The following GABRG3 variants were observed in gnomAD, a reference collection of about 807,000 sequenced individuals.
GABRG3 encodes gamma-aminobutyric acid receptor subunit gamma-3.
Under a neutral mutation model 48.8 loss-of-function variants are expected in GABRG3, and 25 were observed. The ratio of observed to expected loss-of-function variants is 0.51; its 90% CI spans 0.37 to 0.72. The LOEUF (loss-of-function observed/expected upper bound fraction) is 0.72, where lower values mean the gene tolerates loss of function less well. Among genes scored for constraint, GABRG3 ranks in the 30% least tolerant of loss-of-function variants. The pLI, the probability that GABRG3 is intolerant of heterozygous loss-of-function variation, is 0.00. For missense variants in GABRG3, 394 were observed against 577.9 expected, an observed-to-expected ratio of 0.68 and a Z score of 3.26; for synonymous variants, 227 against 217.6, an observed-to-expected ratio of 1.04 and a Z score of -0.38.
intron 5 of GABRG3, among the ~76,000 whole-genome samples, chr15:27,440,468 C>G (rs1475728931): frequency 6.6e-6 from 1 of 152,204 alleles, no homozygotes; most frequent in East Asian, 1.9e-4. Context: ...CATTAGCTTT[C>G]TCATGGGCAT....
intron 3 of GABRG3, among the ~76,000 whole-genome samples, chr15:27,091,645 C>T (rs973817442): frequency 6.6e-6 from 1 of 152,188 alleles, no homozygotes; most frequent in African/African-American, 2.4e-5. Flanking sequence ...GCTGTTTGCT[C>T]TAGATCTGTT....
intron 3 of GABRG3, among the ~76,000 whole-genome samples, chr15:27,038,299 G>A (rs947508190): frequency 2.6e-5 from 4 of 152,152 alleles, no homozygotes; most frequent in Admixed American, 1.3e-4. Flanking sequence ...TCTGTGTGTC[G>A]TCACATGGTG....
intron 3 of GABRG3, among the ~76,000 whole-genome samples, chr15:27,126,568 A>G (rs1312843428): frequency 6.6e-6 from 1 of 152,112 alleles, no homozygotes; most frequent in African/African-American, 2.4e-5. Context: ...CATGGAAGCG[A>G]TGGGTGTCAC....
At chr15:27,200,477 G>A (rs1341914585) in intron 3 of GABRG3, among the ~76,000 whole-genome samples, 1 of 152,198 alleles carries the variant, frequency 6.6e-6, no homozygotes, top group African/African-American at 2.4e-5. Flanking sequence ...CCTTCCGTGT[G>A]TTAGGTGCTG....
intron 3 of GABRG3, among the ~76,000 whole-genome samples, chr15:27,083,451 G>A (rs1230492448): frequency 1.3e-5 from 2 of 150,978 alleles, no homozygotes; most frequent in Non-Finnish European, 2.9e-5. Flanking sequence ...TCCTGCCTCA[G>A]CCTCCTGAGT....
At chr15:26,989,291 C>T (rs1008957004) in intron 2 of GABRG3, among the ~76,000 whole-genome samples, 1 of 152,078 alleles carries the variant, frequency 6.6e-6, no homozygotes, top group African/African-American at 2.4e-5. Flanking sequence ...TTTTGTTTGT[C>T]TCTTCATCAG....
chr15:27,182,242 G>C (rs957681959), intron 3 of GABRG3, among the ~76,000 whole-genome samples: 1 of 152,140 alleles, frequency 6.6e-6, no homozygotes, highest in African/African-American at 2.4e-5. Context: ...TGAAATGCAG[G>C]CAGGTGCCTG....
At chr15:27,078,101 G>A (rs994763445) in intron 3 of GABRG3, among the ~76,000 whole-genome samples, 5 of 152,152 alleles carry the variant, frequency 3.3e-5, no homozygotes, top group African/African-American at 4.8e-5. Flanking sequence ...ATGGAGTGCC[G>A]GATAGTTGGT....
intron 6 of GABRG3, among the ~76,000 whole-genome samples, chr15:27,510,231 T>C (rs546326188): frequency 4.7e-4 from 71 of 152,314 alleles, no homozygotes; most frequent in Admixed American, 1.2e-3. Context: ...TTATCTATGT[T>C]TGGAGTAAGG....
intron 6 of GABRG3, among the ~76,000 whole-genome samples, chr15:27,503,579 A>C (rs1427173194): frequency 2.0e-5 from 3 of 152,224 alleles, no homozygotes; most frequent in Admixed American, 6.5e-5. Context: ...GTGTACAATA[A>C]TTTGGCTTAT....
At chr15:27,046,920 C>T (rs940899977) in intron 3 of GABRG3, among the ~76,000 whole-genome samples, 1 of 152,162 alleles carries the variant, frequency 6.6e-6, no homozygotes, top group Non-Finnish European at 1.5e-5. Flanking sequence ...AGTGTTATTG[C>T]CACTGTACTT....
Position 27,348,648 on chromosome 15 carries a change from A to G in GABRG3, c.574+19760A>G, listed in dbSNP as rs1040732325. Reference sequence around the variant, plus strand: ...TCCAATGATTAAGTGCAGATAATCTACTAATACTAATACATAATAATGCAA... The same window carrying G: ...TCCAATGATTAAGTGCAGATAATCTGCTAATACTAATACATAATAATGCAA... On this transcript the variant is annotated intron_variant, in intron 5 of 9. Coordinates refer to ENST00000615808, the MANE Select transcript of GABRG3 (RefSeq NM_033223.5). 9.8e-5 allele frequency among the ~76,000 whole-genome samples: 15 copies of G among 152,322 alleles called. No homozygotes were observed. In the East Asian group the frequency reaches 1.9e-3, roughly 20 times the overall value.
In GABRG3 at chr15:27,171,041, C is replaced by T. The variant is rs141353334; in HGVS notation, c.270+144220C>T. 5.3e-4 allele frequency among the ~76,000 whole-genome samples: 81 copies of T among 152,214 alleles called. No individual in the cohort carries two copies. In the East Asian group the frequency reaches 0.014, roughly 26 times the overall value. On this transcript the variant is annotated intron_variant, in intron 3 of 9. Transcript: ENST00000615808. ...CATCAGGTGACAGAAAAGCAGGGAG[C>T]GGGGCACTGTCTGGTGCTGGCTGAG...
intron 3 of GABRG3, among the ~76,000 whole-genome samples, chr15:27,146,447 A>G (rs551160203): frequency 6.6e-6 from 1 of 152,212 alleles, no homozygotes; most frequent in Admixed American, 6.5e-5. Context: ...ACACGGTGAG[A>G]CTCTGTCTCA....
At chr15:27,290,613 A>T (rs1211580588) in intron 3 of GABRG3, among the ~76,000 whole-genome samples, 1 of 152,148 alleles carries the variant, frequency 6.6e-6, no homozygotes, top group Non-Finnish European at 1.5e-5. Flanking sequence ...GAAAGATCAC[A>T]GTTTAAGGAC....
intron 5 of GABRG3, among the ~76,000 whole-genome samples, chr15:27,443,430 A>G (rs1888849930): frequency 6.6e-6 from 1 of 152,220 alleles, no homozygotes; most frequent in Admixed American, 6.5e-5. Context: ...AAAATTATCC[A>G]TAAAATTTTC....
chr15:27,321,177 G>A (rs1893412687), intron 3 of GABRG3, among the ~76,000 whole-genome samples: 1 of 152,238 alleles, frequency 6.6e-6, no homozygotes, highest in African/African-American at 2.4e-5. Flanking sequence ...TTGTCTGCAG[G>A]TGTCTGCCCT....
Position 26,974,885 on chromosome 15 carries a change from ATTATTT to A in GABRG3, c.54-2116_54-2111del, listed in dbSNP as rs1264005902. Among the ~76,000 whole-genome samples, 2 of 117,728 alleles carry A rather than the reference ATTATTT, an allele frequency of 1.7e-5. No homozygotes were observed. The highest frequency in any genetic ancestry group is 3.5e-5 in the Non-Finnish European group (2 of 56,912). The allele number at this position is 117,728 out of a possible 152,430, so 77.2% of individuals were successfully genotyped here. A position where few individuals can be genotyped will look rare whatever the true frequency, so the allele number is the denominator to read the frequency against. On this transcript the variant is annotated intron_variant, in intron 1 of 9. Coordinates refer to ENST00000615808, the MANE Select transcript of GABRG3 (RefSeq NM_033223.5). This position sits in a 1 kb window ranked among gnomAD's most constrained non-coding sequence, Gnocchi z 4.3. ...TATTATTATTATTATTATTATTATT[ATTATTT>A]GAGATGGAGTCTCGCTCTGTTGCCC...
chr15:27,387,155 TA>T (rs1183311779), intron 5 of GABRG3, among the ~76,000 whole-genome samples: 2 of 152,080 alleles, frequency 1.3e-5, no homozygotes, highest in African/African-American at 4.8e-5. Context: ...GTACAAACCT[TA>T]TTTGAGCACT....
Sources: allele counts gnomAD v4.1 joint callset (sites outside exome capture counted in the v4.1 genomes callset), GRCh38; gene constraint gnomAD v4.1.1; non-coding constraint Gnocchi (gnomAD v3.1); transcripts MANE v1.5; gene names NCBI Gene and HGNC (gene_info 2026-07-23, HGNC 2026-07-21).